Variants in CASQ1 observed in about 807,000 individuals in gnomAD.
CASQ1 encodes the protein calsequestrin 1.
A neutral mutation model predicts 49.5 loss-of-function variants in CASQ1; 40 were observed. The observed-to-expected ratio is 0.81, with a 90% CI of 0.63 to 1.05. The LOEUF is 1.05. Ranked by LOEUF, CASQ1 falls within the 50% of genes least tolerant of loss-of-function variation. The pLI, the probability that CASQ1 is intolerant of heterozygous loss-of-function variation, is 0.00. For synonymous variants in CASQ1, 174 were observed against 187.2 expected (o/e 0.93, Z 0.58); for missense variants, 469 against 486.9 (o/e 0.96, Z 0.35).
At position 160,199,046 on chromosome 1, in the gene CASQ1, T is replaced by TC; in HGVS notation, c.982dup (p.Leu328ProfsTer11). 6.3e-7 allele frequency: 1 copy of TC among 1,591,546 alleles called. No homozygotes were observed. Among genetic ancestry groups the TC allele is most frequent in the Non-Finnish European group, 8.6e-7 (1 of 1,159,382 alleles). On this transcript the variant is annotated frameshift_variant, in exon 9 of 11. Coordinates refer to ENST00000368078, the MANE Select transcript of CASQ1 (RefSeq NM_001231.5). LOFTEE classifies it high-confidence loss of function. ...ATCATCTGGATTGACCCTGATGACT[T>TC]CCCCCTGGTAAGAGGCACAGCTCAG...
In CASQ1 at chr1:160,195,010, A is replaced by G. The variant is rs759031726; in HGVS notation, c.466-2A>G. On this transcript the variant is annotated splice_acceptor_variant, in intron 3 of 10. Transcript: ENST00000368078. LOFTEE classifies it high-confidence loss of function. ...TCTTCCTGCAATGTCCTCCTCTTTC[A>G]GGTCCTAGAGGACCCTGTGGAATTG... is the stretch of plus-strand genomic sequence containing the variant. 2 of 1,570,986 alleles carry G rather than the reference A, an allele frequency of 1.3e-6. No homozygotes were observed. Among genetic ancestry groups the G allele is most frequent in the African/African-American group, 1.4e-5 (1 of 73,456 alleles).
rs74533844 is a variant in CASQ1 at position 160,193,399 on chromosome 1, G to C, written c.365-348G>C. 6.0e-4 allele frequency among the ~76,000 whole-genome samples: 91 copies of C among 152,206 alleles called. No individual in the cohort carries two copies. The East Asian group carries it at 0.013, about 22-fold the overall frequency. The stretch of plus-strand genomic sequence containing the variant: ...GAACCAGCTACTAGAGTGCTCAGAG[G>C]GGGTGGCATGAATACTCATCTCTAG... On this transcript the variant is annotated intron_variant, in intron 2 of 10. Transcript: ENST00000368078.
chr1:160,190,715 C>T lies in CASQ1; in HGVS notation c.-37C>T. The T allele has an allele frequency of 6.2e-7, 1 of 1,600,032 alleles. No homozygotes were observed. Among genetic ancestry groups the T allele is most frequent in the Non-Finnish European group, 8.5e-7 (1 of 1,170,552 alleles). On this transcript the variant is annotated 5_prime_UTR_variant, in exon 1 of 11. Transcript: ENST00000368078. ...CCCTCCCTACCCCAGCTAACCTCTT[C>T]TGGACCAGGAGAGCCAACCCAGATC...
chr1:160,197,102 T>C (rs1014868328), intron 6 of CASQ1, among the ~76,000 whole-genome samples: 7 of 152,136 alleles, frequency 4.6e-5, no homozygotes, highest in Admixed American at 1.3e-4. Flanking sequence ...AATCACTCTG[T>C]CCCCCAGGCT....
chr1:160,200,947 A>G (rs986594046), intron 10 of CASQ1, among the ~76,000 whole-genome samples: 2 of 152,230 alleles, frequency 1.3e-5, no homozygotes, highest in African/African-American at 4.8e-5. Context: ...TAAGCCATGA[A>G]GAGCTACCAG....
chr1:160,198,720 A>G lies in CASQ1; in HGVS notation c.872A>G (p.Glu291Gly), dbSNP rs1461529489. Residue 291 changes from glutamate to glycine, a missense_variant, in exon 8 of 11, where the codon GAA becomes GGA. Glu to Gly is a moderately conservative substitution (Grantham distance 98). Coordinates refer to ENST00000368078, the MANE Select transcript of CASQ1 (RefSeq NM_001231.5). ...DGIHIVAFAE[E>G]ADPDGFEFLE... is the part of the protein sequence containing the mutation. ...ATCCACATTGTGGCCTTCGCAGAGG[A>G]AGCTGATCCTGGTGAGGGAGGAATA... The G allele has an allele frequency of 1.2e-6, 2 of 1,613,678 alleles. No homozygotes were observed. Among genetic ancestry groups the G allele is most frequent in the Admixed American group, 3.3e-5 (2 of 60,016 alleles).
chr1:160,195,392 G>A (rs1557814892), intron 4 of CASQ1, 69 bp from the exon 5 acceptor site: 4 of 1,419,224 alleles, frequency 2.8e-6, no homozygotes, highest in South Asian at 1.2e-5. Flanking sequence ...AATTGGGGAC[G>A]ATAGTGGGGG....
intron 1 of CASQ1, among the ~76,000 whole-genome samples, chr1:160,191,751 A>AC (rs754626733): frequency 3.3e-5 from 5 of 152,188 alleles, no homozygotes; most frequent in Non-Finnish European, 5.9e-5. Context: ...AAGAAAAAAA[A>AC]CCTATGTTTG....
intron 3 of CASQ1, 64 bp downstream of exon 3, chr1:160,193,911 A>G: frequency 1.1e-6 from 1 of 922,238 alleles, no homozygotes; most frequent in Non-Finnish European, 1.8e-6. Context: ...CCTAGTCCCT[A>G]CCAACCCCAA....
In CASQ1 at chr1:160,190,881, G is replaced by T. The variant is rs140253806; in HGVS notation, c.130G>T (p.Asp44Tyr). Residue 44 changes from aspartate (D) to tyrosine (Y), a missense_variant, in exon 1 of 11, where the codon GAT becomes TAT. By Grantham distance (160) the Asp-to-Tyr change is radical. Coordinates refer to ENST00000368078, the MANE Select transcript of CASQ1 (RefSeq NM_001231.5). ...GGAAGGGCTGGACTTCCCTGAGTAC[G>T]ATGGTGTGGACCGTGTGATCAATGT... ...GQEGLDFPEY[D>Y]GVDRVINVNA... 14 of 1,614,204 alleles carry T rather than the reference G, an allele frequency of 8.7e-6. No homozygotes were observed. Among genetic ancestry groups the T allele is most frequent in the Non-Finnish European group, 1.1e-5 (13 of 1,180,026 alleles).
chr1:160,191,359 C>G (rs1173396973), intron 1 of CASQ1, among the ~76,000 whole-genome samples: 2 of 152,084 alleles, frequency 1.3e-5, no homozygotes, highest in African/African-American at 4.8e-5. Context: ...ACTTGGAGGG[C>G]CAGGGGAGAA....
At position 160,195,494 on chromosome 1, in the gene CASQ1, T is replaced by C; in HGVS notation, c.611T>C (p.Phe204Ser). ...YKAFEDAAEE[F>S]HPYIPFFATF... ...GCCTTCGAGGATGCAGCTGAGGAGT[T>C]TCATCCCTACATCCCCTTCTTCGCC... The change falls in exon 5 of 11, where the codon TTT becomes TCT. Residue 204 changes from phenylalanine to serine, a missense_variant. Transcript: ENST00000368078. 1.2e-6 allele frequency: 2 copies of C among 1,614,030 alleles called. No individual in the cohort carries two copies. Among genetic ancestry groups the C allele is most frequent in the Non-Finnish European group, 1.7e-6 (2 of 1,179,966 alleles).
chr1:160,194,701 C>G (rs1050024252), intron 3 of CASQ1, among the ~76,000 whole-genome samples: 3 of 150,870 alleles, frequency 2.0e-5, no homozygotes, highest in African/African-American at 7.3e-5. Flanking sequence ...ACCTACATAC[C>G]GAACACTACA....
chr1:160,190,994 A>G lies in CASQ1; in HGVS notation c.243A>G (p.Ser81=), dbSNP rs1372092286. The G allele has an allele frequency of 1.2e-6, 2 of 1,614,064 alleles. No homozygotes were observed. Among genetic ancestry groups the G allele is most frequent in the Non-Finnish European group, 1.7e-6 (2 of 1,180,016 alleles). The change falls in exon 1 of 11, where the codon TCA becomes TCG. Residue 81 remains serine, a synonymous_variant. Coordinates refer to ENST00000368078, the MANE Select transcript of CASQ1 (RefSeq NM_001231.5). ...AACCCCCCGAGGATGACAAGGCCTC[A>G]CAAAGACAATTTGAGATGGAGGAGC... is the stretch of plus-strand genomic sequence containing the variant. The part of the protein sequence containing the change: ...YHEPPEDDKA[S]QRQFEMEELI...
At chr1:160,197,407 G>A (rs775852118) in intron 6 of CASQ1, among the ~76,000 whole-genome samples, 162 bp from the exon 7 acceptor site, 4 of 152,064 alleles carry the variant, frequency 2.6e-5, no homozygotes, top group Non-Finnish European at 4.4e-5. Context: ...GCAATGAGCC[G>A]GGCCTGGTGC....
intron 5 of CASQ1, 149 bp downstream of exon 5, chr1:160,195,683 A>G: frequency 1.3e-6 from 1 of 777,016 alleles, no homozygotes; most frequent in Non-Finnish European, 2.1e-6. Flanking sequence ...CACTCCATAG[A>G]TTTAGAGCTG....
Position 160,201,268 on chromosome 1 carries a change from G to A in CASQ1, c.1083G>A (p.Met361Ile), listed in dbSNP as rs372677723. ...VTDADSVWME[M>I]DDEEDLPSAE... is the part of the protein sequence containing the mutation. Reference sequence around the variant, plus strand: ...AGGCGGATAGCGTATGGATGGAAATGGACGATGAGGAGGACCTGCCTTCTG... The same window carrying A: ...AGGCGGATAGCGTATGGATGGAAATAGACGATGAGGAGGACCTGCCTTCTG... The change falls in exon 11 of 11, where the codon ATG becomes ATA. Residue 361 changes from methionine (M) to isoleucine (I), a missense_variant. Met to Ile is a conservative substitution (Grantham distance 10, BLOSUM62 1). Coordinates refer to ENST00000368078, the MANE Select transcript of CASQ1 (RefSeq NM_001231.5). 5 of 1,613,360 alleles carry A rather than the reference G, an allele frequency of 3.1e-6. No homozygotes were observed. The African/African-American group carries it at 6.7e-5, about 22-fold the overall frequency.
chr1:160,199,124 C>T (rs752368580), intron 9 of CASQ1, 71 bp downstream of exon 9: 6 of 1,020,136 alleles, frequency 5.9e-6, no homozygotes, highest in African/African-American at 1.6e-5. Flanking sequence ...TTAGTGAGGG[C>T]TTTGTTTCAG....
intron 6 of CASQ1, 81 bp downstream of exon 6, chr1:160,196,108 G>A (rs1410110532): frequency 3.5e-6 from 5 of 1,440,458 alleles, no homozygotes; most frequent in Non-Finnish European, 4.7e-6. Context: ...GCTGGGGAAA[G>A]CTTAGCCAAC....
Sources: gnomAD v4.1 joint callset for allele counts (sites outside exome capture counted in the v4.1 genomes callset) on GRCh38, gnomAD v4.1.1 for gene constraint, MANE v1.5 for transcripts, NCBI Gene and HGNC (gene_info 2026-07-23, HGNC 2026-07-21) for gene names.